HSPG2: variants seen among roughly 807,000 people sequenced by gnomAD.
The protein encoded by HSPG2 is heparan sulfate proteoglycan 2.
A neutral mutation model predicts 526.6 loss-of-function variants in HSPG2; 278 were observed. The ratio of observed to expected loss-of-function variants is 0.53; its 90% confidence interval spans 0.48 to 0.58. HSPG2 has a LOEUF of 0.58. Ranked by LOEUF, HSPG2 falls within the 20% of genes least tolerant of loss-of-function variation. The probability of loss-of-function intolerance (pLI) is 0.00; values close to 1 mark genes in which losing one functional copy is unlikely to be tolerated. For synonymous variants in HSPG2, 2,465 were observed against 2,555.4 expected (o/e 0.96, Z 1.07); for missense variants, 5,354 against 6,099.5 (o/e 0.88, Z 4.07).
chr1:21,826,095 T>G (rs1425590678), intron 91 of HSPG2, among the ~76,000 whole-genome samples: 1 of 151,958 alleles, frequency 6.6e-6, no homozygotes, highest in Non-Finnish European at 1.5e-5. Context: ...ATTTTTTATT[T>G]TTTTGAGACA....
rs1251076942 is a variant in HSPG2, at chr1:21,887,290, C to A, written c.1003G>T (p.Gly335Ter). 1 of 1,614,092 alleles carries A rather than the reference C, an allele frequency of 6.2e-7. No individual in the cohort carries two copies. Residue 335 changes from glycine to a stop codon, truncating the protein, a stop_gained, in exon 9 of 97, where the codon GGA (glycine) becomes TGA (stop). Coordinates refer to ENST00000374695, the MANE Select transcript of HSPG2 (RefSeq NM_005529.7). LOFTEE classifies it high-confidence loss of function. The surrounding 1 kb of genome is among the most constrained non-coding windows in gnomAD (Gnocchi z 5.0). ...CGCCACAGCTTGAGGGCACAATGTC[C>A]ATTCCCGCAGGGGAACTCGTTGGGC... ...CEPNEFPCGN[G>*]HCALKLWRCD... is the part of the protein sequence containing the mutation.
At position 21,836,867 on chromosome 1, in the gene HSPG2, C is replaced by A; in HGVS notation, c.10290G>T (p.Gln3430His). The A allele has an allele frequency of 6.3e-7, 1 of 1,579,912 alleles. No homozygotes were observed. The highest frequency in any genetic ancestry group is 8.6e-7 in the Non-Finnish European group (1 of 1,163,040). Reference sequence around the variant, plus strand: ...GACCCCCTTCCTTGAACCAACGGAGCTGGGTACCCCGGTCGCTGGGCACAG... The same window carrying A: ...GACCCCCTTCCTTGAACCAACGGAGATGGGTACCCCGGTCGCTGGGCACAG... ...HCAVPSDRGT[Q>H]LRWFKEGGQL... Residue 3430 changes from glutamine to histidine, a missense_variant, in exon 75 of 97, where the codon CAG becomes CAT. Coordinates refer to ENST00000374695, the MANE Select transcript of HSPG2 (RefSeq NM_005529.7).
Position 21,847,734 on chromosome 1 carries a change from G to A in HSPG2, c.7980C>T (p.Ile2660=). ...NCVVARQPQA[I]ITWYKRGGSL... is the part of the protein sequence containing the mutation. ...TGCCCCCACGCTTGTACCATGTGAT[G>A]ATAGCCTGGGGCTGCCTGGCGACCA... The change falls in exon 61 of 97, where the codon ATC becomes ATT. Residue 2660 remains isoleucine, a synonymous_variant. Transcript: ENST00000374695. This position sits in a 1 kb window ranked among gnomAD's most constrained non-coding sequence, Gnocchi z 4.1. 3 of 1,612,504 alleles carry A rather than the reference G, an allele frequency of 1.9e-6. No individual in the cohort carries two copies. The highest frequency in any genetic ancestry group is 2.5e-6 in the Non-Finnish European group (3 of 1,179,472).
Position 21,852,820 on chromosome 1 carries a change from G to T in HSPG2, c.6604C>A (p.Leu2202Met). The change falls in exon 52 of 97, where the codon CTG becomes ATG. Residue 2202 changes from leucine (L) to methionine (M), a missense_variant. Leu to Met is a conservative substitution (Grantham distance 15). Coordinates refer to ENST00000374695, the MANE Select transcript of HSPG2 (RefSeq NM_005529.7). ...GGGGTCACCTGGTGCAGCCGCAGCA[G>T]CGAGCCGTGGGTCTGTGTGCAAATG... ...LPARHQTHGS[L>M]LRLHQVTPAD... is the part of the protein sequence containing the mutation. 1 of 1,612,536 alleles carries T rather than the reference G, an allele frequency of 6.2e-7. No individual in the cohort carries two copies. Among genetic ancestry groups the T allele is most frequent in the Non-Finnish European group, 8.5e-7 (1 of 1,179,786 alleles).
In HSPG2 at chr1:21,865,575, G is replaced by T; in HGVS notation, c.4314+142C>A. On this transcript the variant is annotated intron_variant, in intron 34 of 96. Transcript: ENST00000374695. This position sits in a 1 kb window ranked among gnomAD's most constrained non-coding sequence, Gnocchi z 5.4. ...CTTGGGTAGTGTCCAACCAGGCAGG[G>T]ATGTGGGGGCATGGGCCTAACTCCC... The T allele has an allele frequency of 1.1e-6, 1 of 881,984 alleles. No individual in the cohort carries two copies. The allele number at this position is 881,984 out of a possible 1,614,324, so 54.6% of individuals were successfully genotyped here. A position where few individuals can be genotyped will look rare whatever the true frequency, so the allele number is the denominator to read the frequency against.
intron 1 of HSPG2, among the ~76,000 whole-genome samples, chr1:21,902,271 C>T (rs553019484): frequency 2.2e-4 from 34 of 152,218 alleles, no homozygotes; most frequent in African/African-American, 7.7e-4. Context: ...CCGTGCCACT[C>T]GGGAGGCCTG....
intron 6 of HSPG2, chr1:21,888,723 A>G (rs557109064): frequency 2.2e-6 from 3 of 1,364,922 alleles, no homozygotes; most frequent in Non-Finnish European, 2.9e-6. Flanking sequence ...TCTGTGCTGG[A>G]AAGGAAGATG....
intron 6 of HSPG2, chr1:21,888,822 G>C: frequency 1.3e-6 from 1 of 763,380 alleles, no homozygotes; most frequent in Non-Finnish European, 1.9e-6. Flanking sequence ...AGGACTTATT[G>C]AAAAGTGAGA....
At chr1:21,885,508 T>A in intron 9 of HSPG2, 57 bp from the exon 10 acceptor site, 7 of 1,602,054 alleles carry the variant, frequency 4.4e-6, no homozygotes, top group Non-Finnish European at 6.0e-6. Context: ...TCCCTGGGCA[T>A]CCCCAGGGCC....
At chr1:21,861,732 C>G (rs1471345190) in intron 39 of HSPG2, 25 bp downstream of exon 39, 2 of 1,606,692 alleles carry the variant, frequency 1.2e-6, no homozygotes, top group Admixed American at 3.3e-5. Flanking sequence ...CTCCACCCTC[C>G]CCCTACTTCT....
At position 21,865,776 on chromosome 1, in the gene HSPG2, G is replaced by A. The variant is rs763111574; in HGVS notation, c.4255C>T (p.Leu1419Phe). The A allele has an allele frequency of 6.2e-7, 1 of 1,613,746 alleles. No homozygotes were observed. Residue 1419 changes from leucine (L) to phenylalanine (F), a missense_variant, in exon 34 of 97, where the codon CTC becomes TTC. By Grantham distance (22) the Leu-to-Phe change is conservative. Coordinates refer to ENST00000374695, the MANE Select transcript of HSPG2 (RefSeq NM_005529.7). This position sits in a 1 kb window ranked among gnomAD's most constrained non-coding sequence, Gnocchi z 5.4. ...AAYGGKLRYTLSYTAGPQGSP... is the reference protein window; with the variant it reads ...AAYGGKLRYTFSYTAGPQGSP... ...CCCTGTGGGCCTGCTGTGTAGGAGA[G>A]GGTGTATCGCAACTTCCCACCGTAG...
intron 1 of HSPG2, among the ~76,000 whole-genome samples, chr1:21,920,377 A>G (rs1644004722): frequency 6.6e-6 from 1 of 152,130 alleles, no homozygotes. Context: ...TAGCAGCCAC[A>G]GGCGTGGAGC....
At chr1:21,835,663 C>T (rs1432276002) in intron 75 of HSPG2, 26 bp from the exon 76 acceptor site, 8 of 1,563,126 alleles carry the variant, frequency 5.1e-6, no homozygotes, top group South Asian at 1.1e-5. Context: ...AATAAGACAT[C>T]AGGGAGTTGA....
At chr1:21,899,728 AC>A (rs1260454479) in intron 1 of HSPG2, among the ~76,000 whole-genome samples, 1 of 152,156 alleles carries the variant, frequency 6.6e-6, no homozygotes, top group Non-Finnish European at 1.5e-5. Flanking sequence ...GTTGACAGTG[AC>A]CCTTGGAGGA....
chr1:21,889,247 A>G (rs568954134), intron 6 of HSPG2, among the ~76,000 whole-genome samples: 8 of 152,318 alleles, frequency 5.3e-5, no homozygotes, highest in African/African-American at 1.9e-4. Context: ...GCCGAGAACC[A>G]CACCTGTGAA....
In HSPG2 at chr1:21,861,852, G is replaced by A. The variant is rs762108906; in HGVS notation, c.4869-9C>T. 30 of 1,613,320 alleles carry A rather than the reference G, an allele frequency of 1.9e-5. No homozygotes were observed. The highest frequency in any genetic ancestry group is 4.5e-5 in the East Asian group (2 of 44,882). On this transcript the variant is annotated splice_polypyrimidine_tract_variant and intron_variant, in intron 38 of 96. Coordinates refer to ENST00000374695, the MANE Select transcript of HSPG2 (RefSeq NM_005529.7). ...CACAGGTGCGGGAAAACCTGGGATC[G>A]GGGAGGCAAAGGTCAGGTCATGGGA...
At chr1:21,842,207 C>G (rs780521895) in intron 68 of HSPG2, 32 bp downstream of exon 68, 2 of 1,612,710 alleles carry the variant, frequency 1.2e-6, no homozygotes, top group African/African-American at 2.7e-5. Context: ...GCCCTCCCTT[C>G]CCCCCTTGCC....
rs572269297 is a variant in HSPG2, at chr1:21,838,796, C to G, written c.10150+29G>C. On this transcript the variant is annotated intron_variant, in intron 74 of 96. Coordinates refer to ENST00000374695, the MANE Select transcript of HSPG2 (RefSeq NM_005529.7). ...CAAAGGGCCAGGAGGAAAGGTGATC[C>G]CCTTCCACGCAGAGCCGGGGCTGCT... 109 of 1,607,906 alleles carry G rather than the reference C, an allele frequency of 6.8e-5. 2 individuals carry two copies. In the South Asian group the frequency reaches 1.2e-3, roughly 17 times the overall value.
rs1330473366 is a variant in HSPG2 at position 21,864,127 on chromosome 1, C to A, written c.4713G>T (p.Leu1571=). ...AGCAGGCCCCAGTCTCTGGGTGGCA[C>A]AGGTCTGAGTGGCCATTGCATTCAC... ...ELCECNGHSD[L]CHPETGACSQ... is the part of the protein sequence containing the mutation. The change falls in exon 37 of 97, where the codon CTG becomes CTT. Residue 1571 remains leucine, a synonymous_variant. Coordinates refer to ENST00000374695, the MANE Select transcript of HSPG2 (RefSeq NM_005529.7). This position sits in a 1 kb window ranked among gnomAD's most constrained non-coding sequence, Gnocchi z 4.8. 6.4e-7 allele frequency: 1 copy of A among 1,556,076 alleles called. No homozygotes were observed. The highest frequency in any genetic ancestry group is 8.7e-7 in the Non-Finnish European group (1 of 1,149,788).
Sources: allele counts gnomAD v4.1 joint callset (sites outside exome capture counted in the v4.1 genomes callset), GRCh38; gene constraint gnomAD v4.1.1; non-coding constraint Gnocchi (gnomAD v3.1); transcripts MANE v1.5; gene names NCBI Gene and HGNC (gene_info 2026-07-23, HGNC 2026-07-21).